The following ANO6 variants were observed in gnomAD, a reference collection of about 807,000 sequenced individuals.
ANO6 encodes anoctamin 6, also known as anoctamin-6.
A neutral mutation model predicts 117.5 loss-of-function variants in ANO6; 106 were observed. That is an observed-to-expected ratio of 0.90 (90% confidence interval 0.77 to 1.06). The LOEUF (loss-of-function observed/expected upper bound fraction) is 1.06. Ranked by LOEUF, ANO6 falls within the 50% of genes least tolerant of loss-of-function variation. ANO6 has a pLI of 0.00. For missense variants in ANO6, 955 were observed against 1,121.1 expected, an observed-to-expected ratio of 0.85 and a Z score of 2.12; for synonymous variants, 367 against 385.1, an observed-to-expected ratio of 0.95 and a Z score of 0.55.
At chr12:45,273,961 T>G (rs1938467916) in intron 1 of ANO6, among the ~76,000 whole-genome samples, 2 of 152,206 alleles carry the variant, frequency 1.3e-5, no homozygotes, top group South Asian at 2.1e-4. Context: ...CTCATGCTTA[T>G]CTCAGCAGCA....
chr12:45,339,604 A>G lies in ANO6; in HGVS notation c.280-7418A>G, dbSNP rs568817335. Among the ~76,000 whole-genome samples, 3 of 152,268 alleles carry G rather than the reference A, an allele frequency of 2.0e-5. No homozygotes were observed. The South Asian group carries it at 6.2e-4, about 32-fold the overall frequency. On this transcript the variant is annotated intron_variant, in intron 3 of 19. Coordinates refer to ENST00000320560, the MANE Select transcript of ANO6 (RefSeq NM_001025356.3). ...GTTTTTTGTCCCCTAGTGAACATAC[A>G]TTACTCAGTTGAGTAAATTCCTCAT...
chr12:45,328,599 T>A (rs1940554491), intron 2 of ANO6, among the ~76,000 whole-genome samples: 1 of 152,126 alleles, frequency 6.6e-6, no homozygotes, highest in Non-Finnish European at 1.5e-5. Flanking sequence ...TAAATAAAAT[T>A]TTATTATGTT....
At chr12:45,354,923 G>C (rs892779321) in intron 7 of ANO6, among the ~76,000 whole-genome samples, 1 of 152,184 alleles carries the variant, frequency 6.6e-6, no homozygotes, top group East Asian at 1.9e-4. Context: ...TTGAAAGAGA[G>C]CTTAATCCAC....
In ANO6 at chr12:45,409,427, C is replaced by T. The variant is rs757416973; in HGVS notation, c.1951C>T (p.Gln651Ter). ...GSEKITPRWE[Q>*]DYHLQPMGKL... ...AGAAAAGATAACCCCACGATGGGAACAGGACTACCATCTGCAGCCTATGGG... is the reference window on the plus strand; with the variant it reads ...AGAAAAGATAACCCCACGATGGGAATAGGACTACCATCTGCAGCCTATGGG... Residue 651 changes from glutamine (Q) to a stop codon, truncating the protein, a stop_gained, in exon 16 of 20, where the codon CAG becomes TAG. Coordinates refer to ENST00000320560, the MANE Select transcript of ANO6 (RefSeq NM_001025356.3). LOFTEE classifies it high-confidence loss of function. The T allele has an allele frequency of 1.2e-6, 2 of 1,613,968 alleles. No homozygotes were observed. Among genetic ancestry groups the T allele is most frequent in the Non-Finnish European group, 1.7e-6 (2 of 1,179,894 alleles).
At chr12:45,284,269 G>T (rs1938836167) in intron 1 of ANO6, among the ~76,000 whole-genome samples, 1 of 152,160 alleles carries the variant, frequency 6.6e-6, no homozygotes, top group Non-Finnish European at 1.5e-5. Flanking sequence ...AGACTCTCTG[G>T]AATGTGGATT....
At chr12:45,268,239 G>C (rs1324343264) in intron 1 of ANO6, among the ~76,000 whole-genome samples, 1 of 152,090 alleles carries the variant, frequency 6.6e-6, no homozygotes, top group African/African-American at 2.4e-5. Flanking sequence ...ACAAACCCAG[G>C]TCTGGGCACA....
intron 1 of ANO6, among the ~76,000 whole-genome samples, chr12:45,269,231 A>G (rs1938315303): frequency 6.6e-6 from 1 of 152,180 alleles, no homozygotes; most frequent in African/African-American, 2.4e-5. Context: ...AGGAAATGAG[A>G]CAGTCTATCA....
At chr12:45,423,806 T>A (rs941972175) in intron 19 of ANO6, among the ~76,000 whole-genome samples, 1 of 152,192 alleles carries the variant, frequency 6.6e-6, no homozygotes, top group African/African-American at 2.4e-5. Context: ...AGAAGGGCGA[T>A]GCTAACCACA....
intron 1 of ANO6, among the ~76,000 whole-genome samples, chr12:45,216,651 G>T (rs1947318216): frequency 1.3e-5 from 2 of 152,222 alleles, no homozygotes; most frequent in African/African-American, 2.4e-5. Flanking sequence ...CCCCTGAAAA[G>T]CCTGGCAGCT....
At chr12:45,277,155 C>T (rs1046891326) in intron 1 of ANO6, among the ~76,000 whole-genome samples, 1 of 152,172 alleles carries the variant, frequency 6.6e-6, no homozygotes, top group Non-Finnish European at 1.5e-5. Flanking sequence ...ACTTTCCCAA[C>T]CCCATTCCCT....
At chr12:45,216,617 G>A (rs1947317391) in intron 1 of ANO6, among the ~76,000 whole-genome samples, 1 of 152,232 alleles carries the variant, frequency 6.6e-6, no homozygotes, top group South Asian at 2.1e-4. Context: ...CCGAGGACAG[G>A]CTCCTGACGG....
At chr12:45,439,575 TACTA>T (rs1943746603) in intron 19 of ANO6, 1 of 1,116,576 alleles carries the variant, frequency 9.0e-7, no homozygotes, top group Non-Finnish European at 1.2e-6. Context: ...CAAAGGTAAA[TACTA>T]ACACTCATTT....
At chr12:45,405,359 C>G (rs1425678954) in intron 15 of ANO6, among the ~76,000 whole-genome samples, 1 of 152,164 alleles carries the variant, frequency 6.6e-6, no homozygotes, top group South Asian at 2.1e-4. Context: ...TTGAGAAATT[C>G]ATATGAAATG....
At chr12:45,307,984 A>G (rs1939723582) in intron 2 of ANO6, among the ~76,000 whole-genome samples, 1 of 150,450 alleles carries the variant, frequency 6.6e-6, no homozygotes, top group South Asian at 2.1e-4. Context: ...GAATGGAAGA[A>G]GAGGAACTGG....
At chr12:45,250,086 C>G (rs977059491) in intron 1 of ANO6, among the ~76,000 whole-genome samples, 3 of 152,072 alleles carry the variant, frequency 2.0e-5, no homozygotes, top group African/African-American at 7.2e-5. Context: ...GAAATAAAAC[C>G]AAGAACTGTG....
At chr12:45,342,301 C>T (rs756613036) in intron 3 of ANO6, among the ~76,000 whole-genome samples, 1 of 152,166 alleles carries the variant, frequency 6.6e-6, no homozygotes, top group Non-Finnish European at 1.5e-5. Context: ...CAGCATGTTG[C>T]ATTCATAGCT....
rs36059278 is a variant in ANO6, at chr12:45,378,118, GT to G, written c.1165+21del. The G allele has an allele frequency of 0.12, 171,943 of 1,415,488 alleles. 454 individuals carry two copies. The highest frequency in any genetic ancestry group is 0.31 in the East Asian group (12,941 of 41,788). The allele number at this position is 1,415,488 out of a possible 1,614,324, so 87.7% of individuals were successfully genotyped here. ...CAGTATTTATGGGAGTATGGGGTAAGTTTTTTTTTTTTTTTTCATGCACTCA... is the reference window on the plus strand; with the variant it reads ...CAGTATTTATGGGAGTATGGGGTAAGTTTTTTTTTTTTTTTCATGCACTCA... On this transcript the variant is annotated splice_donor_region_variant and intron_variant, in intron 10 of 19. Coordinates refer to ENST00000320560, the MANE Select transcript of ANO6 (RefSeq NM_001025356.3).
At chr12:45,292,369 G>A (rs1939130803) in intron 1 of ANO6, among the ~76,000 whole-genome samples, 1 of 152,174 alleles carries the variant, frequency 6.6e-6, no homozygotes, top group Admixed American at 6.5e-5. Flanking sequence ...GGGGTGATCA[G>A]AAACATTTTG....
At chr12:45,338,112 T>A (rs890302698) in intron 3 of ANO6, among the ~76,000 whole-genome samples, 10 of 152,062 alleles carry the variant, frequency 6.6e-5, no homozygotes, top group African/African-American at 2.4e-4. Context: ...CAGCTGCAAA[T>A]TTGCCTCTCA....
Sources: allele counts gnomAD v4.1 joint callset (sites outside exome capture counted in the v4.1 genomes callset), GRCh38; gene constraint gnomAD v4.1.1; transcripts MANE v1.5; gene names NCBI Gene and HGNC (gene_info 2026-07-23, HGNC 2026-07-21).